The following FAS variants were observed in gnomAD, a reference collection of about 807,000 sequenced individuals.
FAS encodes tumor necrosis factor receptor superfamily member 6.
FAS carries 5 observed loss-of-function variants against 33.2 expected under a neutral mutation model. The ratio of observed to expected loss-of-function variants is 0.15; its 90% CI spans 0.08 to 0.32. FAS has a LOEUF of 0.32. Ranked by LOEUF, FAS falls within the 10% of genes least tolerant of loss-of-function variation. The pLI, the probability that FAS is intolerant of heterozygous loss-of-function variation, is 1.00. For missense variants in FAS, 339 were observed against 386.0 expected, an observed-to-expected ratio of 0.88 and a Z score of 1.02; for synonymous variants, 131 against 130.7, an observed-to-expected ratio of 1.00 and a Z score of -0.01.
At chr10:88,983,896 A>G (rs569249195), upstream of FAS, among the ~76,000 whole-genome samples, 1 of 152,280 alleles carries the variant, frequency 6.6e-6, no homozygotes, top group South Asian at 2.1e-4. Context: ...CTCAGTGCAA[A>G]GGCTGATAAA....
chr10:89,014,024 T>C lies in FAS; in HGVS notation c.677-95T>C, dbSNP rs9658773. On this transcript the variant is annotated intron_variant, in intron 8 of 8. Transcript: ENST00000652046. Reference sequence around the variant, plus strand: ...CATAGACCTTTAGGACTTAGCTATATTCTGAAGTACTATAAAAAGAGAAAT... The same window carrying C: ...CATAGACCTTTAGGACTTAGCTATACTCTGAAGTACTATAAAAAGAGAAAT... The C allele has an allele frequency of 8.2e-3, 10,505 of 1,288,178 alleles. 677 individuals are homozygous for C. In the African/African-American group the frequency reaches 0.13, roughly 16 times the overall value. 79.8% of individuals were successfully genotyped at this position (1,288,178 alleles called of 1,614,324 possible).
chr10:88,981,186 G>C, intron 2 of FAS, among the ~76,000 whole-genome samples: 1 of 152,200 alleles, frequency 6.6e-6, no homozygotes, highest in East Asian at 1.9e-4. Context: ...CTCGAGCTCT[G>C]CCACATACTC....
Position 89,007,688 on chromosome 10 carries a change from T to A in FAS, c.197-12T>A. The A allele has an allele frequency of 6.2e-7, 1 of 1,613,762 alleles. No homozygotes were observed. Among genetic ancestry groups the A allele is most frequent in the Non-Finnish European group, 8.5e-7 (1 of 1,179,840 alleles). Reference sequence around the variant, plus strand: ...TCCTGTTCAAACACTTGCTCCTTTTTTCCTTGGGCAGGTGAAAGGAAAGCT... The same window carrying A: ...TCCTGTTCAAACACTTGCTCCTTTTATCCTTGGGCAGGTGAAAGGAAAGCT... On this transcript the variant is annotated splice_polypyrimidine_tract_variant and intron_variant, in intron 2 of 8. Coordinates refer to ENST00000652046, the MANE Select transcript of FAS (RefSeq NM_000043.6).
chr10:88,977,471 T>C (rs1300135959), intron 2 of FAS, among the ~76,000 whole-genome samples: 2 of 152,090 alleles, frequency 1.3e-5, no homozygotes, highest in Non-Finnish European at 2.9e-5. Context: ...ATCAGATAGT[T>C]GTAGATATGC....
chr10:88,976,060 T>C (rs1846555297), intron 2 of FAS, among the ~76,000 whole-genome samples: 1 of 152,202 alleles, frequency 6.6e-6, no homozygotes, highest in Non-Finnish European at 1.5e-5. Context: ...AACCATACAT[T>C]ACTATTATCA....
intron 1 of FAS, chr10:88,992,458 G>A (rs1268059122): frequency 6.6e-6 from 1 of 152,180 alleles, no homozygotes; most frequent in Admixed American, 6.5e-5. Context: ...AGCTATGCTT[G>A]TTGAACTTTT....
At chr10:88,986,049 A>T (rs1356015349), upstream of FAS, among the ~76,000 whole-genome samples, 1 of 152,208 alleles carries the variant, frequency 6.6e-6, no homozygotes, top group African/African-American at 2.4e-5. Context: ...AAACAAAATG[A>T]CTTAGGGAAC....
chr10:88,973,487 C>A (rs928843644), intron 2 of FAS: 2 of 749,300 alleles, frequency 2.7e-6, no homozygotes, highest in Admixed American at 3.8e-5. Flanking sequence ...TTATCAGTTT[C>A]TCAAGTACTC....
At chr10:89,005,457 TAAG>T (rs1848172124) in intron 2 of FAS, among the ~76,000 whole-genome samples, 1 of 152,122 alleles carries the variant, frequency 6.6e-6, no homozygotes, top group Admixed American at 6.5e-5. Flanking sequence ...TCATATTCAA[TAAG>T]AAGGATTCTA....
chr10:89,014,097 C>A, intron 8 of FAS, 22 bp from the exon 9 acceptor site: 1 of 1,609,650 alleles, frequency 6.2e-7, no homozygotes, highest in Non-Finnish European at 8.5e-7. Flanking sequence ...AACAAATTTT[C>A]AGACTATTTT....
In FAS at chr10:89,014,717, G is replaced by C. The variant is rs1456849506; in HGVS notation, c.*267G>C. ...ATAGGAGTGTATGCAGAGGATGAAAGATTAAGATTATGCTCTGGCATCTAA... is the reference window on the plus strand; with the variant it reads ...ATAGGAGTGTATGCAGAGGATGAAACATTAAGATTATGCTCTGGCATCTAA... On this transcript the variant is annotated 3_prime_UTR_variant, in exon 9 of 9. Coordinates refer to ENST00000652046, the MANE Select transcript of FAS (RefSeq NM_000043.6). The C allele has an allele frequency of 1.6e-6, 1 of 623,446 alleles. No individual in the cohort carries two copies. Among genetic ancestry groups the C allele is most frequent in the Non-Finnish European group, 3.0e-6 (1 of 335,816 alleles). 38.6% of individuals were successfully genotyped at this position (623,446 alleles called of 1,614,324 possible). A position where few individuals can be genotyped will look rare whatever the true frequency, so the allele number is the denominator to read the frequency against.
intron 3 of FAS, 88 bp downstream of exon 3, chr10:89,007,925 T>C (rs1848326512): frequency 1.3e-6 from 2 of 1,583,316 alleles, no homozygotes; most frequent in Admixed American, 3.3e-5. Context: ...TGGGGCCTAC[T>C]GTGGTGCTAT....
Position 89,013,374 on chromosome 10 carries a change from C to T in FAS, c.676+7C>T. On this transcript the variant is annotated splice_region_variant and intron_variant, in intron 8 of 8. Transcript: ENST00000652046. The stretch of plus-strand genomic sequence containing the variant: ...GTGGCAATAAATTTATCTGGTAAGG[C>T]TTTTATCATTTTATTTCATAGAGAT... 6.2e-7 allele frequency: 1 copy of T among 1,611,442 alleles called. No individual in the cohort carries two copies. Among genetic ancestry groups the T allele is most frequent in the Non-Finnish European group, 8.5e-7 (1 of 1,178,688 alleles).
chr10:89,010,053 C>G (rs1248588453), intron 4 of FAS, among the ~76,000 whole-genome samples: 1 of 152,120 alleles, frequency 6.6e-6, no homozygotes, highest in Admixed American at 6.5e-5. Flanking sequence ...TCTTGAGTCT[C>G]CTGATCACCA....
intron 1 of FAS, among the ~76,000 whole-genome samples, chr10:89,001,277 T>G (rs75842430): frequency 2.0e-4 from 28 of 141,084 alleles, no homozygotes; most frequent in African/African-American, 5.1e-4. Flanking sequence ...TTTTTTTTTT[T>G]TGTGCTTCTT....
rs1277354417 is a variant in FAS, at chr10:89,016,209, T to C, written c.*1759T>C. 4.6e-6 allele frequency: 1 copy of C among 217,024 alleles called. No homozygotes were observed. The highest frequency in any genetic ancestry group is 2.2e-5 in the African/African-American group (1 of 44,524). 13.4% of individuals were successfully genotyped at this position (217,024 alleles called of 1,614,324 possible). A position where few individuals can be genotyped will look rare whatever the true frequency, so the allele number is the denominator to read the frequency against. On this transcript the variant is annotated 3_prime_UTR_variant, in exon 9 of 9. Coordinates refer to ENST00000652046, the MANE Select transcript of FAS (RefSeq NM_000043.6). ...TATTTAACCCATGAGTCCCAAAGTA[T>C]TAGCATTTCAACATGTAAGCATGTC...
In FAS at chr10:89,014,772, G is replaced by A. The variant is rs1848713592; in HGVS notation, c.*322G>A. The A allele has an allele frequency of 1.8e-6, 1 of 563,508 alleles. No homozygotes were observed. The highest frequency in any genetic ancestry group is 3.4e-6 in the Non-Finnish European group (1 of 296,988). 34.9% of individuals were successfully genotyped at this position (563,508 alleles called of 1,614,324 possible). A position where few individuals can be genotyped will look rare whatever the true frequency, so the allele number is the denominator to read the frequency against. On this transcript the variant is annotated 3_prime_UTR_variant, in exon 9 of 9. Transcript: ENST00000652046. ...TGATTCTGTAGTATGAATGTAATCA[G>A]TGTATGTTAGTACAAATGTCTATCC...
At chr10:88,999,183 AAAATAAAAT>A (rs1847790568) in intron 1 of FAS, among the ~76,000 whole-genome samples, 1 of 109,572 alleles carries the variant, frequency 9.1e-6, no homozygotes, top group Non-Finnish European at 2.2e-5. Flanking sequence ...AAAATAAAAT[AAAATAAAAT>A]AAAATCTCAC....
At chr10:88,973,197 T>C (rs763318249) in exon 2 of FAS, 22 of 1,612,304 alleles carry the variant, frequency 1.4e-5, no homozygotes, top group Admixed American at 1.3e-4. Flanking sequence ...GAAATTCCTT[T>C]CTGGGATAAT....
Sources: allele counts gnomAD v4.1 joint callset (sites outside exome capture counted in the v4.1 genomes callset), GRCh38; gene constraint gnomAD v4.1.1; transcripts MANE v1.5; gene names NCBI Gene and HGNC (gene_info 2026-07-23, HGNC 2026-07-21).